ATXN10: variants seen among roughly 807,000 people sequenced by gnomAD.
ATXN10 encodes ataxin 10, also known as ataxin-10.
ATXN10 carries 28 observed loss-of-function variants against 52.9 expected under a neutral mutation model. That is an observed-to-expected ratio of 0.53 (90% confidence interval 0.39 to 0.73). The LOEUF is 0.73. Ranked by LOEUF, ATXN10 falls within the 30% of genes least tolerant of loss-of-function variation. The pLI, the probability that ATXN10 is intolerant of heterozygous loss-of-function variation, is 0.00. For synonymous variants in ATXN10, 226 were observed against 221.5 expected, an observed-to-expected ratio of 1.02 and a Z score of -0.18; for missense variants, 565 against 577.0, an observed-to-expected ratio of 0.98 and a Z score of 0.21.
In ATXN10 at chr22:45,844,793, CAA is replaced by C. The variant is rs1297994262; in HGVS notation, c.*1126_*1127del. ...ACAATTCGTGTTGAACCTTCCAAAACAAAAATAAAGACCTGTCCAAAAGTTTT... is the reference window on the plus strand; with the variant it reads ...ACAATTCGTGTTGAACCTTCCAAAACAAATAAAGACCTGTCCAAAAGTTTT... On this transcript the variant is annotated 3_prime_UTR_variant, in exon 12 of 12. Coordinates refer to ENST00000252934, the MANE Select transcript of ATXN10 (RefSeq NM_013236.4). 6.6e-6 allele frequency: 1 copy of C among 152,146 alleles called. No individual in the cohort carries two copies. Among genetic ancestry groups the C allele is most frequent in the Admixed American group, 6.5e-5 (1 of 15,274 alleles). The allele number at this position is 152,146 out of a possible 1,614,324, so 9.4% of individuals were successfully genotyped here.
rs908970107 is a variant in ATXN10, at chr22:45,678,163, C to T, written c.116+5984C>T. On this transcript the variant is annotated intron_variant, in intron 1 of 11. Coordinates refer to ENST00000252934, the MANE Select transcript of ATXN10 (RefSeq NM_013236.4). This position sits in a 1 kb window ranked among gnomAD's most constrained non-coding sequence, Gnocchi z 4.1. Reference sequence around the variant, plus strand: ...TTTGGAAGTAGAGGTGATAGTTGTACAACATTGTGAATATAATTAAAGCCA... The same window carrying T: ...TTTGGAAGTAGAGGTGATAGTTGTATAACATTGTGAATATAATTAAAGCCA... The T allele has an allele frequency of 1.3e-5, 2 of 151,956 alleles. No individual in the cohort carries two copies. Among genetic ancestry groups the T allele is most frequent in the Non-Finnish European group, 2.9e-5 (2 of 67,998 alleles). 9.4% of individuals were successfully genotyped at this position (151,956 alleles called of 1,614,324 possible).
Position 45,672,010 on chromosome 22 carries a change from G to GTCCTCCTCGCCT in ATXN10, c.-45_-34dup. 2.0e-6 allele frequency: 3 copies of GTCCTCCTCGCCT among 1,521,482 alleles called. No homozygotes were observed. Among genetic ancestry groups the GTCCTCCTCGCCT allele is most frequent in the Non-Finnish European group, 2.6e-6 (3 of 1,136,452 alleles). 94.2% of individuals were successfully genotyped at this position (1,521,482 alleles called of 1,614,324 possible). On this transcript the variant is annotated 5_prime_UTR_variant, in exon 1 of 12. Coordinates refer to ENST00000252934, the MANE Select transcript of ATXN10 (RefSeq NM_013236.4). ...TCCCTCCTCGTCATCCTCCCCCTTC[G>GTCCTCCTCGCCT]TCCTCCTCGCCTTCCTCCTCCTCGT...
chr22:45,753,215 A>C, intron 9 of ATXN10, among the ~76,000 whole-genome samples: 1 of 124,408 alleles, frequency 8.0e-6, no homozygotes, highest in African/African-American at 2.7e-5. Context: ...TTCTTTTCCC[A>C]GTGATTTTTT....
chr22:45,764,181 C>G (rs1926500408), intron 9 of ATXN10, among the ~76,000 whole-genome samples: 1 of 152,108 alleles, frequency 6.6e-6, no homozygotes, highest in African/African-American at 2.4e-5. Flanking sequence ...TCTTCTCCCT[C>G]CCCCATCGCA....
rs1928571194 is a variant in ATXN10, at chr22:45,819,229, A to ATAGAATAGAATAGAATAGAATAGAC, written c.1237+12230_1237+12231insACTAGAATAGAATAGAATAGAATAG. Among the ~76,000 whole-genome samples the ATAGAATAGAATAGAATAGAATAGAC allele has an allele frequency of 6.8e-6, 1 of 146,524 alleles. No individual in the cohort carries two copies. The highest frequency in any genetic ancestry group is 2.6e-5 in the African/African-American group (1 of 38,234). On this transcript the variant is annotated intron_variant, in intron 10 of 11. Coordinates refer to ENST00000252934, the MANE Select transcript of ATXN10 (RefSeq NM_013236.4). The surrounding 1 kb of genome is among the most constrained non-coding windows in gnomAD (Gnocchi z 4.5). ...ATAGAATAGAATAGAATAGAATAGA[A>ATAGAATAGAATAGAATAGAATAGAC]TAGAATAGAATAGAATAGAATAGGC...
In ATXN10 at chr22:45,689,469, G is replaced by GT. The variant is rs1202856795; in HGVS notation, c.117-241dup. ...CTTATCTGTAAATGGAGAGGACAGT[G>GT]TTGGCCTCATAAGGCTGTTGCAGAG... On this transcript the variant is annotated intron_variant, in intron 1 of 11. Transcript: ENST00000252934. The GT allele has an allele frequency of 8.0e-5, 44 of 546,776 alleles. 1 individual carries two copies. In the South Asian group the frequency reaches 8.6e-4, roughly 11 times the overall value. The allele number at this position is 546,776 out of a possible 1,614,324, so 33.9% of individuals were successfully genotyped here. A position where few individuals can be genotyped will look rare whatever the true frequency, so the allele number is the denominator to read the frequency against.
chr22:45,672,271 C>T (rs1258786475), intron 1 of ATXN10, 92 bp downstream of exon 1: 24 of 1,229,288 alleles, frequency 2.0e-5, no homozygotes, highest in Admixed American at 4.6e-5. Flanking sequence ...GCCGCCCCCG[C>T]CTCGCTGGAG....
chr22:45,687,344 G>A (rs1923185030), intron 1 of ATXN10, among the ~76,000 whole-genome samples: 1 of 152,174 alleles, frequency 6.6e-6, no homozygotes, highest in Non-Finnish European at 1.5e-5. Context: ...TGCTGTGCTA[G>A]ATACCAATTT....
At position 45,693,022 on chromosome 22, in the gene ATXN10, TTGA is replaced by T; in HGVS notation, c.337_339del (p.Asp113del). On this transcript the variant is annotated inframe_deletion, in exon 3 of 12. Coordinates refer to ENST00000252934, the MANE Select transcript of ATXN10 (RefSeq NM_013236.4). Reference sequence around the variant, plus strand: ...AACTTGGATACGATTGGTGTTGCTGTTGATTTGATTCTTCTGTTTCGTGAACTG... The same window carrying T: ...AACTTGGATACGATTGGTGTTGCTGTTTTGATTCTTCTGTTTCGTGAACTG... 6.2e-7 allele frequency: 1 copy of T among 1,614,122 alleles called. No individual in the cohort carries two copies. Among genetic ancestry groups the T allele is most frequent in the Non-Finnish European group, 8.5e-7 (1 of 1,179,978 alleles).
At chr22:45,711,823 G>A (rs929361591) in intron 5 of ATXN10, among the ~76,000 whole-genome samples, 2 of 152,196 alleles carry the variant, frequency 1.3e-5, no homozygotes, top group African/African-American at 2.4e-5. Context: ...TCAGCAGACA[G>A]TTGGCTTTGT....
intron 9 of ATXN10, among the ~76,000 whole-genome samples, chr22:45,771,218 C>T (rs755111391): frequency 1.3e-5 from 2 of 152,166 alleles, no homozygotes; most frequent in Non-Finnish European, 2.9e-5. Context: ...TGGTTAAATG[C>T]ATAAACAATG....
intron 8 of ATXN10, 141 bp from the exon 9 acceptor site, chr22:45,740,228 G>GAAGCAAAGGCAGAAGAGCCTTA (rs1569044099): frequency 3.8e-6 from 3 of 789,636 alleles, no homozygotes; most frequent in African/African-American, 3.5e-5. Flanking sequence ...GAAGAGCCTT[G>GAAGCAAAGGCAGAAGAGCCTTA]TAATCATTAT....
chr22:45,799,931 T>G (rs897246526), intron 9 of ATXN10, among the ~76,000 whole-genome samples: 1 of 152,168 alleles, frequency 6.6e-6, no homozygotes, highest in African/African-American at 2.4e-5. Context: ...ACAATGGCAC[T>G]GGAATGATTT....
intron 9 of ATXN10, among the ~76,000 whole-genome samples, chr22:45,745,766 G>C (rs910201317): frequency 6.6e-6 from 1 of 152,110 alleles, no homozygotes; most frequent in Non-Finnish European, 1.5e-5. Context: ...TTTCTTGAAT[G>C]ACAATTTATT....
intron 5 of ATXN10, among the ~76,000 whole-genome samples, chr22:45,717,361 T>G (rs1601604089): frequency 6.6e-6 from 1 of 152,230 alleles, no homozygotes; most frequent in African/African-American, 2.4e-5. Context: ...GCTATTCTTA[T>G]GGGAAAATGC....
At position 45,841,159 on chromosome 22, in the gene ATXN10, G is replaced by A. The variant is rs1183030857; in HGVS notation, c.1238-1832G>A. 6.6e-6 allele frequency among the ~76,000 whole-genome samples: 1 copy of A among 152,220 alleles called. No individual in the cohort carries two copies. Among genetic ancestry groups the A allele is most frequent in the African/African-American group, 2.4e-5 (1 of 41,458 alleles). ...TTAGGTTTAATGCCTTTGAATATTTGAATAGATTCTGTCTCCAGAAAGGAA... is the reference window on the plus strand; with the variant it reads ...TTAGGTTTAATGCCTTTGAATATTTAAATAGATTCTGTCTCCAGAAAGGAA... On this transcript the variant is annotated intron_variant, in intron 10 of 11. Coordinates refer to ENST00000252934, the MANE Select transcript of ATXN10 (RefSeq NM_013236.4). This position sits in a 1 kb window ranked among gnomAD's most constrained non-coding sequence, Gnocchi z 5.1.
chr22:45,839,227 A>T (rs1167182120), intron 10 of ATXN10, among the ~76,000 whole-genome samples: 2 of 152,218 alleles, frequency 1.3e-5, no homozygotes, highest in Admixed American at 6.5e-5. Flanking sequence ...TCAGCCTTCC[A>T]CACTTCCTTG....
chr22:45,746,692 C>G (rs1368462390), intron 9 of ATXN10, among the ~76,000 whole-genome samples: 1 of 152,094 alleles, frequency 6.6e-6, no homozygotes, highest in East Asian at 1.9e-4. Context: ...GTGACCTTAA[C>G]TTGGCCTTCA....
chr22:45,685,095 CT>C (rs66761568), intron 1 of ATXN10, among the ~76,000 whole-genome samples: 122,438 of 142,558 alleles, frequency 0.86, 52,624 homozygotes, highest in African/African-American at 0.95. Context: ...TAGCATGTAG[CT>C]TTTTTTTTTT....
Sources: allele counts gnomAD v4.1 joint callset (sites outside exome capture counted in the v4.1 genomes callset), GRCh38; gene constraint gnomAD v4.1.1; non-coding constraint Gnocchi (gnomAD v3.1); transcripts MANE v1.5; gene names NCBI Gene and HGNC (gene_info 2026-07-23, HGNC 2026-07-21).